Variants in CRMP1 observed in about 807,000 individuals in gnomAD.
CRMP1 encodes dihydropyrimidinase-related protein 1.
Under a neutral mutation model 68.3 loss-of-function variants are expected in CRMP1, and 19 were observed. That is an observed-to-expected ratio of 0.28 (90% CI 0.19 to 0.41). The LOEUF (loss-of-function observed/expected upper bound fraction) is 0.41, where lower values mean the gene tolerates loss of function less well. Among genes scored for constraint, CRMP1 ranks in the 10% least tolerant of loss-of-function variants. CRMP1 has a pLI of 1.00. For missense variants in CRMP1, 791 were observed against 967.4 expected (o/e 0.82, Z 2.42); for synonymous variants, 439 against 399.6 (o/e 1.10, Z -1.18).
At position 5,860,853 on chromosome 4, in the gene CRMP1, G is replaced by A. The variant is rs41264687; in HGVS notation, c.655+173C>T. The stretch of plus-strand genomic sequence containing the variant: ...TAAGCCATCTTCTGTGGCCCCAGTG[G>A]CACACACGGTATGCTCTGTAAAACA... On this transcript the variant is annotated intron_variant, in intron 3 of 13. Coordinates refer to ENST00000324989, the MANE Select transcript of CRMP1 (RefSeq NM_001014809.3). The surrounding 1 kb of genome is among the most constrained non-coding windows in gnomAD (Gnocchi z 4.2). Among the ~76,000 whole-genome samples the A allele has an allele frequency of 0.057, 8,731 of 152,194 alleles. 583 individuals are homozygous for A. The highest frequency in any genetic ancestry group is 0.16 in the African/African-American group (6,795 of 41,506).
rs1316982399 is a variant in CRMP1 at position 5,822,224 on chromosome 4, G to T, written c.1970-373C>A. 4.6e-5 allele frequency among the ~76,000 whole-genome samples: 7 copies of T among 152,226 alleles called. No homozygotes were observed. In the South Asian group the frequency reaches 1.4e-3, roughly 32 times the overall value. ...GGCACACAATCATACTATGAAGGGG[G>T]TGTTTGTACTCCCAACTTACGGGTG... On this transcript the variant is annotated intron_variant, in intron 13 of 13. Transcript: ENST00000324989.
At chr4:5,848,350 C>T (rs1447305220) in intron 6 of CRMP1, among the ~76,000 whole-genome samples, 1 of 152,120 alleles carries the variant, frequency 6.6e-6, no homozygotes, top group Non-Finnish European at 1.5e-5. Context: ...CTCCACCACA[C>T]CCAGCTAATT....
At chr4:5,823,572 C>G (rs952744134) in intron 13 of CRMP1, among the ~76,000 whole-genome samples, 4 of 152,210 alleles carry the variant, frequency 2.6e-5, no homozygotes, top group Admixed American at 2.6e-4. Context: ...TCATGAATGG[C>G]TTGGTGTCAG....
intron 1 of CRMP1, among the ~76,000 whole-genome samples, chr4:5,876,752 T>TC (rs1714866230): frequency 1.5e-5 from 1 of 65,712 alleles, no homozygotes; most frequent in African/African-American, 1.1e-4. Context: ...ACCACCCCCC[T>TC]TCTGAAAACT....
chr4:5,825,425 G>A lies in CRMP1; in HGVS notation c.1969+69C>T. On this transcript the variant is annotated intron_variant, in intron 13 of 13. Coordinates refer to ENST00000324989, the MANE Select transcript of CRMP1 (RefSeq NM_001014809.3). This position sits in a 1 kb window ranked among gnomAD's most constrained non-coding sequence, Gnocchi z 4.4. ...CCAAGGCCACGTGTCCATTTCCTCA[G>A]AAGCAGCAGGAAGGACTCGGCCTGA... The A allele has an allele frequency of 1.3e-6, 2 of 1,495,506 alleles. No homozygotes were observed. The highest frequency in any genetic ancestry group is 1.8e-6 in the Non-Finnish European group (2 of 1,129,826). 92.6% of individuals were successfully genotyped at this position (1,495,506 alleles called of 1,614,324 possible).
intron 3 of CRMP1, 22 bp from the exon 4 acceptor site, chr4:5,856,329 C>T: frequency 6.2e-7 from 1 of 1,610,122 alleles, no homozygotes; most frequent in Non-Finnish European, 8.5e-7. Context: ...AAATATGCAT[C>T]ATGATGCTTC....
At chr4:5,868,755 C>T (rs1714229089) in intron 1 of CRMP1, among the ~76,000 whole-genome samples, 2 of 152,100 alleles carry the variant, frequency 1.3e-5, no homozygotes, top group African/African-American at 2.4e-5. Flanking sequence ...TTTTTGTGCA[C>T]AAAACTCCTT....
At chr4:5,840,194 T>C (rs1452370123) in intron 8 of CRMP1, among the ~76,000 whole-genome samples, 1 of 152,130 alleles carries the variant, frequency 6.6e-6, no homozygotes, top group Non-Finnish European at 1.5e-5. Flanking sequence ...TCAGTCCTGC[T>C]CGGGAACACG....
At chr4:5,836,282 G>A (rs902292474) in intron 10 of CRMP1, among the ~76,000 whole-genome samples, 197 bp from the exon 11 acceptor site, 4 of 152,198 alleles carry the variant, frequency 2.6e-5, no homozygotes, top group Non-Finnish European at 5.9e-5. Context: ...TAACCGCACA[G>A]AGGTATGTTG....
At chr4:5,884,427 CAG>C (rs1715427660) in intron 1 of CRMP1, among the ~76,000 whole-genome samples, 1 of 151,878 alleles carries the variant, frequency 6.6e-6, no homozygotes, top group Admixed American at 6.6e-5. Context: ...TTACACACCA[CAG>C]ACATACACTT....
In CRMP1 at chr4:5,866,781, G is replaced by A; in HGVS notation, c.382-25C>T. The A allele has an allele frequency of 2.6e-6, 4 of 1,532,498 alleles. No homozygotes were observed. The highest frequency in any genetic ancestry group is 3.5e-6 in the Non-Finnish European group (4 of 1,128,510). 94.9% of individuals were successfully genotyped at this position (1,532,498 alleles called of 1,614,324 possible). A position where few individuals can be genotyped will look rare whatever the true frequency, so the allele number is the denominator to read the frequency against. On this transcript the variant is annotated intron_variant, in intron 1 of 13. Coordinates refer to ENST00000324989, the MANE Select transcript of CRMP1 (RefSeq NM_001014809.3). This position sits in a 1 kb window ranked among gnomAD's most constrained non-coding sequence, Gnocchi z 5.9. Reference sequence around the variant, plus strand: ...TCTGCAAAGCAAGGCAAAGTATTAAGGATCCTTGGTGAAAAGCCAGGATAA... The same window carrying A: ...TCTGCAAAGCAAGGCAAAGTATTAAAGATCCTTGGTGAAAAGCCAGGATAA...
intron 6 of CRMP1, among the ~76,000 whole-genome samples, chr4:5,846,730 A>G (rs1303614466): frequency 2.8e-5 from 4 of 141,842 alleles, no homozygotes; most frequent in Non-Finnish European, 6.0e-5. Context: ...AGCTAGGATT[A>G]CAGGCACCCG....
At chr4:5,856,936 CCATCATCACCAT>C (rs1713131919) in intron 3 of CRMP1, among the ~76,000 whole-genome samples, 1 of 145,618 alleles carries the variant, frequency 6.9e-6, no homozygotes, top group African/African-American at 2.8e-5. Context: ...ACCATCACCA[CCATCATCACCAT>C]CACCACCACC....
Position 5,883,655 on chromosome 4 carries a change from G to GACACAC in CRMP1, c.381+8928_381+8933dup, listed in dbSNP as rs148593249. Among the ~76,000 whole-genome samples the GACACAC allele has an allele frequency of 0.026, 3,866 of 149,278 alleles. 53 individuals are homozygous for GACACAC. The highest frequency in any genetic ancestry group is 0.035 in the Middle Eastern group (10 of 286). The stretch of plus-strand genomic sequence containing the variant: ...AGATGGCAAGATAATTAAGGTCAGG[G>GACACAC]ACACACACACACACACACACACACA... On this transcript the variant is annotated intron_variant, in intron 1 of 13. Transcript: ENST00000324989. The surrounding 1 kb of genome is among the most constrained non-coding windows in gnomAD (Gnocchi z 4.5).
At chr4:5,823,643 G>A (rs867051463) in intron 13 of CRMP1, among the ~76,000 whole-genome samples, 36 of 152,326 alleles carry the variant, frequency 2.4e-4, no homozygotes, top group African/African-American at 8.4e-4. Context: ...TTGTTAAAGA[G>A]CACCTCTGCC....
rs202058080 is a variant in CRMP1 at position 5,825,576 on chromosome 4, G to A, written c.1887C>T (p.Pro629=). ...EVPATPKYAT[P]APSAKSSPSK... ...AAGGCGAAGATTTGGCTGAAGGAGC[G>A]GGAGTTGCATATTTGGGTGTAGCTG... The change falls in exon 13 of 14, where the codon CCC becomes CCT. Residue 629 remains proline, a synonymous_variant. Coordinates refer to ENST00000324989, the MANE Select transcript of CRMP1 (RefSeq NM_001014809.3). This position sits in a 1 kb window ranked among gnomAD's most constrained non-coding sequence, Gnocchi z 4.4. The A allele has an allele frequency of 2.2e-5, 35 of 1,601,904 alleles. No individual in the cohort carries two copies. The highest frequency in any genetic ancestry group is 1.9e-4 in the South Asian group (17 of 88,844).
chr4:5,831,854 T>C (rs1472995290), intron 11 of CRMP1, among the ~76,000 whole-genome samples: 1 of 152,186 alleles, frequency 6.6e-6, no homozygotes, highest in East Asian at 1.9e-4. Flanking sequence ...TGAAAAAACC[T>C]CTTGCCATCC....
rs939999968 is a variant in CRMP1, at chr4:5,877,602, G to A, written c.382-10846C>T. On this transcript the variant is annotated intron_variant, in intron 1 of 13. Coordinates refer to ENST00000324989, the MANE Select transcript of CRMP1 (RefSeq NM_001014809.3). The surrounding 1 kb of genome is among the most constrained non-coding windows in gnomAD (Gnocchi z 4.3). ...CACACTATCCAGGAATGCAACCCAC[G>A]AAGTGGCAACCGGTATGAGCCTGAA... Among the ~76,000 whole-genome samples the A allele has an allele frequency of 1.3e-5, 2 of 152,218 alleles. No homozygotes were observed. The highest frequency in any genetic ancestry group is 6.5e-5 in the Admixed American group (1 of 15,282).
chr4:5,828,836 GTA>G (rs1222549041), intron 11 of CRMP1, among the ~76,000 whole-genome samples, 168 bp from the exon 12 acceptor site: 19 of 152,186 alleles, frequency 1.2e-4, no homozygotes, highest in Admixed American at 9.8e-4. Flanking sequence ...GGTCCACAGT[GTA>G]TATAACCAAC....
Sources: allele counts gnomAD v4.1 joint callset (sites outside exome capture counted in the v4.1 genomes callset), GRCh38; gene constraint gnomAD v4.1.1; non-coding constraint Gnocchi (gnomAD v3.1); transcripts MANE v1.5; gene names NCBI Gene and HGNC (gene_info 2026-07-23, HGNC 2026-07-21).